Variants in ARHGAP20 observed in about 807,000 individuals in gnomAD.
The protein encoded by ARHGAP20 is rho GTPase-activating protein 20.
A neutral mutation model predicts 73.7 loss-of-function variants in ARHGAP20; 34 were observed. The observed-to-expected ratio is 0.46, with a 90% confidence interval of 0.35 to 0.61. ARHGAP20 has a LOEUF of 0.61. Among genes scored for constraint, ARHGAP20 ranks in the 20% least tolerant of loss-of-function variants. The pLI is 0.00. For missense variants in ARHGAP20, 1,314 were observed against 1,420.9 expected (o/e 0.92, Z 1.21); for synonymous variants, 523 against 518.2 (o/e 1.01, Z -0.13).
chr11:110,692,065 A>C (rs926918412), intron 1 of ARHGAP20, among the ~76,000 whole-genome samples: 25 of 152,116 alleles, frequency 1.6e-4, no homozygotes, highest in African/African-American at 5.8e-4. Flanking sequence ...ATCCTTTCCA[A>C]CACTGGTGAT....
chr11:110,619,769 T>C lies in ARHGAP20; in HGVS notation c.504-4175A>G, dbSNP rs5013763. On this transcript the variant is annotated intron_variant, in intron 4 of 14. Transcript: ENST00000683387. The stretch of plus-strand genomic sequence containing the variant: ...TGATAGAGTATATGTAGTGATAGTG[T>C]ATATGTAGTGATAGTGCATATGTAG... Among the ~76,000 whole-genome samples, 510 of 152,000 alleles carry C rather than the reference T, an allele frequency of 3.4e-3. 4 individuals are homozygous for C. The highest frequency in any genetic ancestry group is 0.011 in the African/African-American group (461 of 41,444).
At chr11:110,648,865 A>G (rs1949287010) in intron 2 of ARHGAP20, among the ~76,000 whole-genome samples, 1 of 152,116 alleles carries the variant, frequency 6.6e-6, no homozygotes, top group Non-Finnish European at 1.5e-5. Context: ...AAAGTACCCC[A>G]AAATTCAGGT....
chr11:110,683,696 T>C (rs1230723137), intron 2 of ARHGAP20, among the ~76,000 whole-genome samples: 4 of 152,198 alleles, frequency 2.6e-5, no homozygotes, highest in Non-Finnish European at 5.9e-5. Context: ...ACAATTATTA[T>C]GTGCCAATTT....
At chr11:110,676,491 C>T (rs1162745794) in intron 2 of ARHGAP20, among the ~76,000 whole-genome samples, 2 of 152,124 alleles carry the variant, frequency 1.3e-5, no homozygotes, top group African/African-American at 2.4e-5. Context: ...CCTTATGAAA[C>T]CATCAGATCT....
intron 2 of ARHGAP20, among the ~76,000 whole-genome samples, chr11:110,670,911 T>C (rs1253354548): frequency 6.6e-6 from 1 of 151,942 alleles, no homozygotes; most frequent in Non-Finnish European, 1.5e-5. Flanking sequence ...AACTCACAGT[T>C]TAGAAAAACT....
intron 9 of ARHGAP20, among the ~76,000 whole-genome samples, chr11:110,597,095 A>T (rs1202457418): frequency 1.4e-5 from 2 of 140,210 alleles, no homozygotes; most frequent in African/African-American, 5.2e-5. Flanking sequence ...AACAATGAGA[A>T]CACATGGACA....
chr11:110,663,420 G>C (rs1949657519), intron 2 of ARHGAP20, among the ~76,000 whole-genome samples: 1 of 150,808 alleles, frequency 6.6e-6, no homozygotes, highest in Non-Finnish European at 1.5e-5. Flanking sequence ...AGGTAACATT[G>C]CTACAGATGC....
chr11:110,710,316 T>C (rs1950622627), intron 1 of ARHGAP20, among the ~76,000 whole-genome samples: 1 of 151,952 alleles, frequency 6.6e-6, no homozygotes, highest in East Asian at 1.9e-4. Context: ...CTATGATAAG[T>C]AAAAAGAATG....
intron 1 of ARHGAP20, 91 bp from the exon 2 acceptor site, chr11:110,690,720 C>A: frequency 2.4e-6 from 3 of 1,243,956 alleles, no homozygotes; most frequent in Non-Finnish European, 3.5e-6. Context: ...ACAAGTTTTG[C>A]ATTGCCTATC....
intron 2 of ARHGAP20, among the ~76,000 whole-genome samples, chr11:110,655,714 G>A (rs191182817): frequency 1.3e-5 from 2 of 152,200 alleles, no homozygotes; most frequent in East Asian, 1.9e-4. Flanking sequence ...ATCTATCTCT[G>A]ATCTCTCACT....
In ARHGAP20 at chr11:110,577,467, A is replaced by G. The variant is rs1471678600; in HGVS notation, c.*1903T>C. 7 of 989,284 alleles carry G rather than the reference A, an allele frequency of 7.1e-6. No homozygotes were observed. The highest frequency in any genetic ancestry group is 8.3e-6 in the Non-Finnish European group (7 of 843,172). 61.3% of individuals were successfully genotyped at this position (989,284 alleles called of 1,614,324 possible). ...TGGGTGAATGATTTTTTACCTGCTA[A>G]CATGAAAAAAAAAAAAAAGGCAATT... On this transcript the variant is annotated 3_prime_UTR_variant, in exon 15 of 15. Transcript: ENST00000683387.
chr11:110,688,359 G>C (rs1032253069), intron 2 of ARHGAP20, among the ~76,000 whole-genome samples: 1 of 151,758 alleles, frequency 6.6e-6, no homozygotes, highest in African/African-American at 2.4e-5. Flanking sequence ...TCTCACCCTG[G>C]AGTAGATTGG....
At position 110,581,117 on chromosome 11, in the gene ARHGAP20, C is replaced by T; in HGVS notation, c.1829G>A (p.Gly610Glu). 4 of 1,614,184 alleles carry T rather than the reference C, an allele frequency of 2.5e-6. No individual in the cohort carries two copies. Among genetic ancestry groups the T allele is most frequent in the Non-Finnish European group, 3.4e-6 (4 of 1,180,040 alleles). The change falls in exon 15 of 15, where the codon GGG becomes GAG. Residue 610 changes from glycine to glutamate, a missense_variant. Gly to Glu is a moderately conservative substitution (Grantham distance 98, BLOSUM62 -2). Around this residue, in one of 3 missense-constraint regions of ARHGAP20, gnomAD observed 230 missense variants for 317.6 expected, o/e 0.72. Transcript: ENST00000683387. ...TAAGACAGAGTCCATGCTTCTGCTC[C>T]CCTGGCCAAGTTTCTTTACCAAGTC... ...CSDLVKKLGQ[G>E]SRSMDSVLTL...
chr11:110,607,721 C>T (rs1591311877), intron 8 of ARHGAP20, among the ~76,000 whole-genome samples: 2 of 152,104 alleles, frequency 1.3e-5, no homozygotes, highest in East Asian at 3.8e-4. Context: ...ATCAATTTAT[C>T]AAAACAGCCG....
intron 2 of ARHGAP20, among the ~76,000 whole-genome samples, chr11:110,681,343 A>G (rs1290678583): frequency 2.6e-5 from 4 of 152,204 alleles, no homozygotes. Flanking sequence ...AAAATTCCAA[A>G]AAGTCTGGTA....
At chr11:110,648,420 G>C (rs904527799) in intron 2 of ARHGAP20, among the ~76,000 whole-genome samples, 3 of 150,280 alleles carry the variant, frequency 2.0e-5, no homozygotes, top group Admixed American at 1.3e-4. Context: ...ACAGTTGTTA[G>C]AGACACCAGT....
chr11:110,700,709 A>T (rs1950429469), intron 1 of ARHGAP20, among the ~76,000 whole-genome samples: 1 of 150,912 alleles, frequency 6.6e-6, no homozygotes, highest in Non-Finnish European at 1.5e-5. Flanking sequence ...ATCTAGCATT[A>T]GGTATATCTT....
At position 110,588,264 on chromosome 11, in the gene ARHGAP20, A is replaced by C. The variant is rs61647003; in HGVS notation, c.1306-1939T>G. Among the ~76,000 whole-genome samples the C allele has an allele frequency of 4.8e-3, 738 of 152,340 alleles. 9 individuals carry two copies. Among genetic ancestry groups the C allele is most frequent in the African/African-American group, 0.017 (709 of 41,572 alleles). Reference sequence around the variant, plus strand: ...TCTCCTCTCCTCCAAAACCAGAGCCAAGGCCATCAGCAGAACCCTCAAAGT... The same window carrying C: ...TCTCCTCTCCTCCAAAACCAGAGCCCAGGCCATCAGCAGAACCCTCAAAGT... On this transcript the variant is annotated intron_variant, in intron 11 of 14. Transcript: ENST00000683387.
chr11:110,591,831 T>C, intron 10 of ARHGAP20, 146 bp downstream of exon 10: 2 of 845,638 alleles, frequency 2.4e-6, no homozygotes, highest in Non-Finnish European at 1.8e-6. Flanking sequence ...AAATCAGATT[T>C]TGTTATTTGG....
Sources: gnomAD v4.1 joint callset for allele counts (sites outside exome capture counted in the v4.1 genomes callset) on GRCh38, gnomAD v4.1.1 for gene constraint, gnomAD v4.1.1 regional missense constraint, MANE v1.5 for transcripts, NCBI Gene and HGNC (gene_info 2026-07-23, HGNC 2026-07-21) for gene names.